The following SBF2 variants were observed in gnomAD, a reference collection of about 807,000 sequenced individuals.
SBF2 encodes myotubularin-related protein 13.
A neutral mutation model predicts 225.2 loss-of-function variants in SBF2; 112 were observed. That is an observed-to-expected ratio of 0.50 (90% CI 0.43 to 0.58). SBF2 has a LOEUF of 0.58. Ranked by LOEUF, SBF2 falls within the 20% of genes least tolerant of loss-of-function variation. SBF2 has a pLI of 0.00. For missense variants in SBF2, 1,996 were observed against 2,206.2 expected (o/e 0.90, Z 1.91); for synonymous variants, 763 against 773.3 (o/e 0.99, Z 0.22).
At chr11:10,294,695 G>C (rs1964418471), upstream of SBF2, among the ~76,000 whole-genome samples, 1 of 152,228 alleles carries the variant, frequency 6.6e-6, no homozygotes. Context: ...CCGAGCAGAC[G>C]GGGGAGGGAG....
intron 26 of SBF2, among the ~76,000 whole-genome samples, chr11:9,835,631 C>CAAAAAAAAAAAAAAAAAAAAAAAAAAAAA (rs58436467): frequency 9.7e-5 from 6 of 62,128 alleles, no homozygotes; most frequent in African/African-American, 3.2e-4. Context: ...GACCTTGTCT[C>CAAAAAAAAAAAAAAAAAAAAAAAAAAAAA]AAAAAAAAAA....
chr11:9,904,893 G>A (rs1290814034), intron 16 of SBF2, among the ~76,000 whole-genome samples: 2 of 152,156 alleles, frequency 1.3e-5, no homozygotes, highest in Non-Finnish European at 2.9e-5. Flanking sequence ...GTGGTGTCAT[G>A]TGCCTGTACT....
intron 1 of SBF2, among the ~76,000 whole-genome samples, chr11:10,287,525 C>A (rs937084382): frequency 6.6e-6 from 1 of 152,158 alleles, no homozygotes; most frequent in Non-Finnish European, 1.5e-5. Context: ...ATCCTCCAGC[C>A]TCAGCCTCCC....
intron 16 of SBF2, among the ~76,000 whole-genome samples, chr11:9,903,269 C>A (rs1861870048): frequency 6.6e-6 from 1 of 151,970 alleles, no homozygotes; most frequent in Non-Finnish European, 1.5e-5. Context: ...TTGCAGTGAG[C>A]CAAGATCGTG....
chr11:9,839,599 A>G lies in SBF2; in HGVS notation c.3354T>C (p.Tyr1118=), dbSNP rs751944346. ...QLVEKACFRD[Y]QRLGLGTISG... ...TTATGGTTCCTAAACCTAAACGCTG[A>G]TAGTCTCTGAAACAAGCTTTTTCCA... The change falls in exon 26 of 40, where the codon TAT becomes TAC. Residue 1118 remains tyrosine (Y), a synonymous_variant. Transcript: ENST00000256190. 1.2e-6 allele frequency: 2 copies of G among 1,614,166 alleles called. No individual in the cohort carries two copies. The highest frequency in any genetic ancestry group is 2.2e-5 in the South Asian group (2 of 91,072).
intron 28 of SBF2, among the ~76,000 whole-genome samples, chr11:9,817,780 A>G (rs1404989745): frequency 6.8e-6 from 1 of 146,304 alleles, no homozygotes; most frequent in Non-Finnish European, 1.5e-5. Context: ...ACAAAAAGAC[A>G]CCTGTATTGG....
At chr11:9,971,397 C>A (rs1275959507) in intron 13 of SBF2, among the ~76,000 whole-genome samples, 1 of 151,878 alleles carries the variant, frequency 6.6e-6, no homozygotes, top group Non-Finnish European at 1.5e-5. Flanking sequence ...GATGCATTGG[C>A]CAGGCACAGT....
intron 6 of SBF2, among the ~76,000 whole-genome samples, chr11:10,020,232 G>A (rs558050538): frequency 6.6e-6 from 1 of 152,138 alleles, no homozygotes; most frequent in African/African-American, 2.4e-5. Context: ...CGCAGGTGCA[G>A]TAAGAGGCAA....
At chr11:9,892,968 G>A (rs1242053901) in intron 17 of SBF2, among the ~76,000 whole-genome samples, 1 of 152,054 alleles carries the variant, frequency 6.6e-6, no homozygotes, top group Non-Finnish European at 1.5e-5. Flanking sequence ...AGTTCCTAGG[G>A]ACCATGTCAA....
At chr11:10,064,375 A>G (rs1453939445) in intron 2 of SBF2, among the ~76,000 whole-genome samples, 1 of 152,198 alleles carries the variant, frequency 6.6e-6, no homozygotes, top group East Asian at 1.9e-4. Context: ...ATAAGCCAAC[A>G]AAGGACTTAA....
chr11:10,300,609 A>G (rs931915398), intron 1 of SBF2, among the ~76,000 whole-genome samples: 6 of 152,062 alleles, frequency 3.9e-5, no homozygotes, highest in African/African-American at 1.4e-4. Flanking sequence ...GACAAGTAGC[A>G]TGATGGTTGC....
At chr11:9,960,073 T>C (rs557314526) in intron 16 of SBF2, 30 of 220,076 alleles carry the variant, frequency 1.4e-4, no homozygotes, top group African/African-American at 6.7e-4. Flanking sequence ...TATAGTGTAC[T>C]GCAGCCTAAC....
At chr11:10,293,428 TGAAA>T (rs1306003269) in intron 1 of SBF2, among the ~76,000 whole-genome samples, 1 of 152,230 alleles carries the variant, frequency 6.6e-6, no homozygotes, top group Non-Finnish European at 1.5e-5. Flanking sequence ...ACATTTGTCC[TGAAA>T]GAATAGGGAG....
chr11:9,962,164 TCAAA>T (rs1866616413), intron 15 of SBF2, 58 bp from the exon 16 acceptor site: 4 of 1,499,272 alleles, frequency 2.7e-6, no homozygotes, highest in African/African-American at 1.4e-5. Context: ...ACAACAACTT[TCAAA>T]CAATCATCCT....
intron 16 of SBF2, chr11:9,958,917 C>A: frequency 2.9e-6 from 2 of 678,804 alleles, no homozygotes; most frequent in Middle Eastern, 3.6e-4. Flanking sequence ...GCTATAAGAG[C>A]AGAAAAGTCG....
chr11:9,967,286 G>T (rs572255575), intron 14 of SBF2, among the ~76,000 whole-genome samples: 3 of 151,980 alleles, frequency 2.0e-5, no homozygotes, highest in African/African-American at 7.2e-5. Flanking sequence ...GCAGGAGAAC[G>T]GTGTGAGCCC....
chr11:9,860,993 C>A (rs1857687751), intron 17 of SBF2, among the ~76,000 whole-genome samples: 1 of 152,160 alleles, frequency 6.6e-6, no homozygotes, highest in Non-Finnish European at 1.5e-5. Context: ...TATTTGCTTT[C>A]CTTGGCACAT....
At chr11:10,123,302 T>C (rs552913631) in intron 2 of SBF2, among the ~76,000 whole-genome samples, 1 of 152,164 alleles carries the variant, frequency 6.6e-6, no homozygotes, top group East Asian at 1.9e-4. Context: ...GCAATTTATT[T>C]GAGTACAAAA....
intron 2 of SBF2, among the ~76,000 whole-genome samples, chr11:10,079,966 G>A (rs1440233881): frequency 6.9e-6 from 1 of 145,644 alleles, no homozygotes; most frequent in East Asian, 2.0e-4. Flanking sequence ...AAAAAATGTG[G>A]GACAGGCACG....
Sources: gnomAD v4.1 joint callset for allele counts (sites outside exome capture counted in the v4.1 genomes callset) on GRCh38, gnomAD v4.1.1 for gene constraint, MANE v1.5 for transcripts, NCBI Gene and HGNC (gene_info 2026-07-23, HGNC 2026-07-21) for gene names.